The following SLC6A15 variants were observed in gnomAD, a reference collection of about 807,000 sequenced individuals.
SLC6A15 encodes solute carrier family 6 member 15.
A neutral mutation model predicts 68.5 loss-of-function variants in SLC6A15; 33 were observed. The ratio of observed to expected loss-of-function variants is 0.48; its 90% CI spans 0.37 to 0.64. SLC6A15 has a LOEUF of 0.64. Among genes scored for constraint, SLC6A15 ranks in the 30% least tolerant of loss-of-function variants. SLC6A15 has a pLI of 0.00. For synonymous variants in SLC6A15, 347 were observed against 301.0 expected, an observed-to-expected ratio of 1.15 and a Z score of -1.58; for missense variants, 747 against 874.3, an observed-to-expected ratio of 0.85 and a Z score of 1.84.
intron 11 of SLC6A15, among the ~76,000 whole-genome samples, chr12:84,863,092 G>C (rs1259602532): frequency 6.6e-6 from 1 of 152,046 alleles, no homozygotes; most frequent in Non-Finnish European, 1.5e-5. Context: ...CACCTGGCCT[G>C]GGATACAACT....
rs944165196 is a variant in SLC6A15 at position 84,883,947 on chromosome 12, C to T, written c.668G>A (p.Gly223Asp). ...GCAGATGGTCATCTTCCAGTTTAAG[C>T]CCCCACTTTCAGAAATGGAACTTGA... ...NISSSISESGGLNWKMTICLL... is the reference protein window; with the variant it reads ...NISSSISESGDLNWKMTICLL... Residue 223 changes from glycine (G) to aspartate (D), a missense_variant, in exon 5 of 12, where the codon GGC (glycine) becomes GAC (aspartate). Coordinates refer to ENST00000266682, the MANE Select transcript of SLC6A15 (RefSeq NM_182767.6). 2 of 1,614,130 alleles carry T rather than the reference C, an allele frequency of 1.2e-6. No homozygotes were observed. The highest frequency in any genetic ancestry group is 1.7e-6 in the Non-Finnish European group (2 of 1,180,010).
intron 7 of SLC6A15, 63 bp from the exon 8 acceptor site, chr12:84,872,857 G>A (rs1871349952): frequency 9.7e-6 from 13 of 1,338,638 alleles, no homozygotes; most frequent in African/African-American, 2.9e-5. Flanking sequence ...GTTTGTGAAC[G>A]ACTATGCCAT....
Position 84,912,599 on chromosome 12 carries a change from G to A in SLC6A15, c.-265C>T, listed in dbSNP as rs1220460655. The A allele has an allele frequency of 6.6e-6, 1 of 152,574 alleles. No individual in the cohort carries two copies. Among genetic ancestry groups the A allele is most frequent in the Non-Finnish European group, 1.5e-5 (1 of 68,300 alleles). The allele number at this position is 152,574 out of a possible 1,614,324, so 9.5% of individuals were successfully genotyped here. On this transcript the variant is annotated 5_prime_UTR_variant, in exon 1 of 12. Coordinates refer to ENST00000266682, the MANE Select transcript of SLC6A15 (RefSeq NM_182767.6). ...AGCAGCAGCAGTCGCGAAAGGGTAG[G>A]GTCCAGGTGGCTGTGACGGAGGCCG...
intron 5 of SLC6A15, 32 bp downstream of exon 5, chr12:84,883,827 A>G: frequency 1.2e-6 from 2 of 1,614,072 alleles, no homozygotes; most frequent in African/African-American, 2.7e-5. Flanking sequence ...AATGGTGATT[A>G]GCAGAATGAG....
At chr12:84,885,313 T>C in intron 4 of SLC6A15, 122 bp downstream of exon 4, 2 of 952,332 alleles carry the variant, frequency 2.1e-6, no homozygotes, top group Non-Finnish European at 2.9e-6. Context: ...CAAAGTCTGT[T>C]ATAATGATAA....
At chr12:84,909,513 T>C (rs910267457) in intron 1 of SLC6A15, among the ~76,000 whole-genome samples, 3 of 152,178 alleles carry the variant, frequency 2.0e-5, no homozygotes, top group African/African-American at 7.2e-5. Context: ...AGAAGAGTGG[T>C]ATGATAAGCA....
At chr12:84,872,127 G>A (rs1179324775) in intron 8 of SLC6A15, among the ~76,000 whole-genome samples, 9 of 151,178 alleles carry the variant, frequency 6.0e-5, no homozygotes, top group South Asian at 4.2e-4. Flanking sequence ...ACTGCACCCC[G>A]GCCTGGGCGA....
Position 84,861,897 on chromosome 12 carries a change from T to C in SLC6A15, c.1928A>G (p.Asn643Ser), listed in dbSNP as rs1456247282. 2 of 1,613,808 alleles carry C rather than the reference T, an allele frequency of 1.2e-6. No individual in the cohort carries two copies. The highest frequency in any genetic ancestry group is 1.7e-5 in the Admixed American group (1 of 59,962). Residue 643 changes from asparagine to serine, a missense_variant, in exon 12 of 12, where the codon AAC becomes AGC. Transcript: ENST00000266682. ...VPVVFIVRRF[N>S]LIDDSSGNLA... ...ATTACCAGAACTATCATCTATAAGG[T>C]TGAAGCGACGAACAATGAAAACTAC...
intron 1 of SLC6A15, among the ~76,000 whole-genome samples, chr12:84,905,903 G>C (rs1045073177): frequency 2.6e-5 from 4 of 152,070 alleles, no homozygotes; most frequent in Non-Finnish European, 4.4e-5. Context: ...TACAACCACT[G>C]TGCTCCAGTC....
Position 84,883,909 on chromosome 12 carries a change from A to G in SLC6A15, c.706T>C (p.Trp236Arg). Residue 236 changes from tryptophan (W) to arginine (R), a missense_variant, in exon 5 of 12, where the codon TGG becomes CGG. Transcript: ENST00000266682. The stretch of plus-strand genomic sequence containing the variant: ...ATCATAGCCAAGCAAACCATGACCC[A>G]GGCAGCCAACAAGCAGATGGTCATC... ...WKMTICLLAAWVMVCLAMIKG... is the reference protein window; with the variant it reads ...WKMTICLLAARVMVCLAMIKG... The G allele has an allele frequency of 6.2e-7, 1 of 1,614,148 alleles. No homozygotes were observed. Among genetic ancestry groups the G allele is most frequent in the Non-Finnish European group, 8.5e-7 (1 of 1,180,006 alleles).
intron 6 of SLC6A15, among the ~76,000 whole-genome samples, chr12:84,876,049 T>A (rs1179881830): frequency 6.6e-6 from 1 of 151,692 alleles, no homozygotes; most frequent in East Asian, 1.9e-4. Context: ...TTCTAGATGA[T>A]CAGTCAACTT....
At chr12:84,863,354 A>T in intron 11 of SLC6A15, 85 bp downstream of exon 11, 1 of 986,024 alleles carries the variant, frequency 1.0e-6, no homozygotes, top group South Asian at 1.7e-5. Flanking sequence ...AGCAAAAAAT[A>T]CTGTGATGGA....
intron 9 of SLC6A15, among the ~76,000 whole-genome samples, chr12:84,870,065 T>C (rs982492265): frequency 6.6e-6 from 1 of 151,932 alleles, no homozygotes; most frequent in Admixed American, 6.6e-5. Context: ...GAACGGGATT[T>C]AGGTTTATCA....
At chr12:84,886,931 C>T (rs1025366091) in intron 2 of SLC6A15, among the ~76,000 whole-genome samples, 16 of 150,894 alleles carry the variant, frequency 1.1e-4, no homozygotes, top group African/African-American at 3.7e-4. Context: ...GAAACCTTTA[C>T]TCATTTCTTT....
intron 9 of SLC6A15, among the ~76,000 whole-genome samples, chr12:84,868,865 G>A (rs1871170192): frequency 6.6e-6 from 1 of 152,096 alleles, no homozygotes; most frequent in Non-Finnish European, 1.5e-5. Context: ...GGGACGGTTT[G>A]GATATGGCGA....
At chr12:84,891,736 G>T in intron 2 of SLC6A15, 96 bp downstream of exon 2, 2 of 1,268,916 alleles carry the variant, frequency 1.6e-6, no homozygotes, top group Non-Finnish European at 2.2e-6. Context: ...GAAATTGAAA[G>T]TTTCAAAAAT....
In SLC6A15 at chr12:84,886,044, A is replaced by G; in HGVS notation, c.314T>C (p.Ile105Thr). The change falls in exon 3 of 12, where the codon ATA becomes ACA. Residue 105 changes from isoleucine to threonine, a missense_variant. Coordinates refer to ENST00000266682, the MANE Select transcript of SLC6A15 (RefSeq NM_182767.6). ...GGGAATACCTATTACCATAAGTAGT[A>G]TTAAATATGGTAAAAGATATGCACC... Reference protein sequence around the residue: ...GGGAYLLPYLILLMVIGIPLF... With the variant: ...GGGAYLLPYLTLLMVIGIPLF... 50 of 1,603,114 alleles carry G rather than the reference A, an allele frequency of 3.1e-5. No homozygotes were observed. Among genetic ancestry groups the G allele is most frequent in the Non-Finnish European group, 4.3e-5 (50 of 1,172,490 alleles).
chr12:84,907,393 A>G (rs1873220455), intron 1 of SLC6A15, among the ~76,000 whole-genome samples: 1 of 152,104 alleles, frequency 6.6e-6, no homozygotes, highest in African/African-American at 2.4e-5. Context: ...TATAAATAAA[A>G]TAAGAAAACA....
At chr12:84,867,580 G>A (rs1436850696) in intron 9 of SLC6A15, 2 of 152,804 alleles carry the variant, frequency 1.3e-5, no homozygotes, top group East Asian at 3.8e-4. Flanking sequence ...ATTTAATAAT[G>A]TTCTACAGTG....
Sources: gnomAD v4.1 joint callset for allele counts (sites outside exome capture counted in the v4.1 genomes callset) on GRCh38, gnomAD v4.1.1 for gene constraint, MANE v1.5 for transcripts, NCBI Gene and HGNC (gene_info 2026-07-23, HGNC 2026-07-21) for gene names.